Variants in SNTG1 observed in about 807,000 individuals in gnomAD.
SNTG1 encodes the protein syntrophin gamma 1.
SNTG1 carries 39 observed loss-of-function variants against 74.7 expected under a neutral mutation model. The observed-to-expected ratio is 0.52, with a 90% CI of 0.40 to 0.68. The LOEUF (loss-of-function observed/expected upper bound fraction) is 0.68. Ranked by LOEUF, SNTG1 falls within the 30% of genes least tolerant of loss-of-function variation. SNTG1 has a pLI of 0.00. For synonymous variants in SNTG1, 254 were observed against 217.1 expected, an observed-to-expected ratio of 1.17 and a Z score of -1.49; for missense variants, 685 against 609.5, an observed-to-expected ratio of 1.12 and a Z score of -1.30.
At chr8:50,501,436 T>G (rs1055185400) in intron 8 of SNTG1, among the ~76,000 whole-genome samples, 4 of 126,314 alleles carry the variant, frequency 3.2e-5, no homozygotes, top group South Asian at 3.0e-4. Context: ...TTTTTTTTTT[T>G]TTTTTTTTTT....
At chr8:50,391,886 G>C (rs1343152394) in intron 2 of SNTG1, among the ~76,000 whole-genome samples, 1 of 152,054 alleles carries the variant, frequency 6.6e-6, no homozygotes, top group Non-Finnish European at 1.5e-5. Flanking sequence ...TAGTTAAAAA[G>C]AACATCAGAA....
intron 1 of SNTG1, among the ~76,000 whole-genome samples, chr8:49,958,905 G>C (rs1810429534): frequency 6.6e-6 from 1 of 152,156 alleles, no homozygotes; most frequent in Non-Finnish European, 1.5e-5. Flanking sequence ...CTTCATAACA[G>C]TGTAAATGTA....
chr8:50,522,111 A>G (rs1201722925), intron 9 of SNTG1, among the ~76,000 whole-genome samples: 1 of 152,174 alleles, frequency 6.6e-6, no homozygotes, highest in Non-Finnish European at 1.5e-5. Flanking sequence ...CTGTCCCTGT[A>G]TTAAATATAT....
chr8:50,068,683 T>TTTTCTTTC (rs200599833), intron 1 of SNTG1, among the ~76,000 whole-genome samples: 55 of 152,272 alleles, frequency 3.6e-4, no homozygotes, highest in African/African-American at 1.3e-3. Context: ...GTAGGATTCT[T>TTTTCTTTC]TTTCTTTCTT....
chr8:50,371,667 T>C lies in SNTG1; in HGVS notation c.-27-22545T>C, dbSNP rs77313733. ...TACTATTATTGTGTTAATATCTATT[T>C]CTAACATAAATTCTGTCAAGGTTTT... On this transcript the variant is annotated intron_variant, in intron 2 of 18. Coordinates refer to ENST00000642720, the MANE Select transcript of SNTG1 (RefSeq NM_018967.5). 3.1e-4 allele frequency among the ~76,000 whole-genome samples: 47 copies of C among 152,354 alleles called. No homozygotes were observed. The East Asian group carries it at 7.3e-3, about 24-fold the overall frequency.
intron 1 of SNTG1, among the ~76,000 whole-genome samples, chr8:50,062,049 T>C (rs1046041314): frequency 6.6e-5 from 10 of 152,100 alleles, no homozygotes; most frequent in African/African-American, 2.4e-4. Flanking sequence ...AATTTTTGTG[T>C]TTTTTTGTTT....
intron 17 of SNTG1, among the ~76,000 whole-genome samples, chr8:50,750,639 AC>A (rs1205456520): frequency 6.6e-6 from 1 of 151,956 alleles, no homozygotes; most frequent in Admixed American, 6.6e-5. Flanking sequence ...TCAAGGCAGC[AC>A]CCTCCACCAG....
intron 2 of SNTG1, among the ~76,000 whole-genome samples, chr8:50,204,994 A>T (rs111780329): frequency 6.6e-6 from 1 of 152,252 alleles, no homozygotes; most frequent in African/African-American, 2.4e-5. Context: ...GTTGGTTCCA[A>T]GTCTTTGCTA....
chr8:50,560,904 T>C (rs1563577324), intron 12 of SNTG1, among the ~76,000 whole-genome samples: 1 of 152,074 alleles, frequency 6.6e-6, no homozygotes, highest in African/African-American at 2.4e-5. Context: ...GGAAAACAAA[T>C]AAATAAATAA....
At chr8:50,702,530 G>A (rs1440173780) in intron 15 of SNTG1, among the ~76,000 whole-genome samples, 1 of 152,128 alleles carries the variant, frequency 6.6e-6, no homozygotes, top group African/African-American at 2.4e-5. Flanking sequence ...CCAAAGCAGA[G>A]AATTCCATCT....
intron 2 of SNTG1, among the ~76,000 whole-genome samples, chr8:50,320,452 A>T (rs1373884195): frequency 6.6e-6 from 1 of 151,832 alleles, no homozygotes; most frequent in African/African-American, 2.4e-5. Flanking sequence ...TTTATCTTTC[A>T]AAAAACCAAC....
chr8:50,560,506 G>C (rs1480573638), intron 12 of SNTG1, among the ~76,000 whole-genome samples: 1 of 152,092 alleles, frequency 6.6e-6, no homozygotes, highest in Non-Finnish European at 1.5e-5. Flanking sequence ...AAGAAAACTT[G>C]GTACATATAC....
At chr8:50,398,968 C>T (rs1485227494) in intron 3 of SNTG1, among the ~76,000 whole-genome samples, 5 of 152,090 alleles carry the variant, frequency 3.3e-5, no homozygotes, top group African/African-American at 7.2e-5. Flanking sequence ...AAAATAGTTA[C>T]GAATACTATG....
At chr8:50,158,007 C>T (rs1586525672) in intron 1 of SNTG1, among the ~76,000 whole-genome samples, 1 of 152,166 alleles carries the variant, frequency 6.6e-6, no homozygotes, top group Admixed American at 6.5e-5. Flanking sequence ...TGTCAACTGT[C>T]CTGGCAAATT....
At chr8:50,656,722 A>T (rs2095183968) in intron 13 of SNTG1, among the ~76,000 whole-genome samples, 187 bp from the exon 14 acceptor site, 1 of 152,168 alleles carries the variant, frequency 6.6e-6, no homozygotes, top group Non-Finnish European at 1.5e-5. Context: ...GTTTACATTC[A>T]TTTACTGAAG....
chr8:50,597,380 CACATATAT>C (rs58713973), intron 13 of SNTG1, among the ~76,000 whole-genome samples: 25,617 of 131,224 alleles, frequency 0.2, 5,499 homozygotes, highest in African/African-American at 0.52. Flanking sequence ...TGTATATATA[CACATATAT>C]ACATATATAC....
At chr8:49,997,734 C>T (rs1254130247) in intron 1 of SNTG1, among the ~76,000 whole-genome samples, 1 of 152,078 alleles carries the variant, frequency 6.6e-6, no homozygotes, top group East Asian at 1.9e-4. Context: ...CCTTCTTAGA[C>T]TTTTTTTCTG....
intron 17 of SNTG1, among the ~76,000 whole-genome samples, chr8:50,709,489 G>A (rs964118653): frequency 6.6e-6 from 1 of 152,026 alleles, no homozygotes; most frequent in Non-Finnish European, 1.5e-5. Context: ...ACTTAATAAG[G>A]ATTATGCACT....
chr8:50,244,372 C>CT (rs2086297172), intron 2 of SNTG1, among the ~76,000 whole-genome samples: 1 of 152,020 alleles, frequency 6.6e-6, no homozygotes, highest in Non-Finnish European at 1.5e-5. Flanking sequence ...TGGGGAGATT[C>CT]TTTTTTTCAC....
Sources: gnomAD v4.1 joint callset for allele counts (sites outside exome capture counted in the v4.1 genomes callset) on GRCh38, gnomAD v4.1.1 for gene constraint, MANE v1.5 for transcripts, NCBI Gene and HGNC (gene_info 2026-07-23, HGNC 2026-07-21) for gene names.